FILIP1L: variants seen among roughly 807,000 people sequenced by gnomAD.
FILIP1L encodes the protein filamin A-interacting protein 1-like.
In FILIP1L, 55 loss-of-function variants were observed where a neutral mutation model predicts 96.6. That is an observed-to-expected ratio of 0.57 (90% CI 0.46 to 0.71). FILIP1L has a LOEUF of 0.71. Among genes scored for constraint, FILIP1L ranks in the 30% least tolerant of loss-of-function variants. The pLI is 0.00. For missense variants in FILIP1L, 1,304 were observed against 1,321.2 expected (o/e 0.99, Z 0.20); for synonymous variants, 467 against 473.9 (o/e 0.99, Z 0.19).
intron 1 of FILIP1L, among the ~76,000 whole-genome samples, chr3:99,997,032 G>A (rs559370643): frequency 2.2e-4 from 33 of 152,236 alleles, no homozygotes; most frequent in Middle Eastern, 3.4e-3. Flanking sequence ...CATTAAATGC[G>A]TACATCAATA....
chr3:99,884,705 A>G (rs962581099), intron 4 of FILIP1L, among the ~76,000 whole-genome samples: 1 of 152,212 alleles, frequency 6.6e-6, no homozygotes, highest in Non-Finnish European at 1.5e-5. Context: ...AGAGATAACA[A>G]TCATGTGCGA....
At chr3:99,978,801 C>G (rs1056377822) in intron 1 of FILIP1L, among the ~76,000 whole-genome samples, 4 of 152,078 alleles carry the variant, frequency 2.6e-5, no homozygotes, top group African/African-American at 7.2e-5. Flanking sequence ...ACGAGAGTCA[C>G]TTGAACCCAG....
At chr3:99,842,387 A>C (rs1415565406) in intron 5 of FILIP1L, among the ~76,000 whole-genome samples, 2 of 152,108 alleles carry the variant, frequency 1.3e-5, no homozygotes, top group Admixed American at 1.3e-4. Context: ...TACAGTGTAC[A>C]CTGCTCGAGT....
intron 4 of FILIP1L, among the ~76,000 whole-genome samples, chr3:99,872,442 A>T (rs1944848821): frequency 6.6e-6 from 1 of 151,978 alleles, no homozygotes; most frequent in Non-Finnish European, 1.5e-5. Context: ...TTTGCTGATA[A>T]TAACTCCTTT....
At chr3:100,041,415 C>G (rs1161079747) in intron 1 of FILIP1L, 1 of 152,108 alleles carries the variant, frequency 6.6e-6, no homozygotes, top group Non-Finnish European at 1.5e-5. Flanking sequence ...GTCTTTGTTC[C>G]TTTCCACACT....
At chr3:100,028,410 C>T (rs1446623381) in intron 1 of FILIP1L, among the ~76,000 whole-genome samples, 1 of 152,142 alleles carries the variant, frequency 6.6e-6, no homozygotes, top group Non-Finnish European at 1.5e-5. Flanking sequence ...TTCCAGGCAA[C>T]AGCTGGTGGT....
intron 1 of FILIP1L, among the ~76,000 whole-genome samples, chr3:100,000,597 T>G (rs1049861798): frequency 5.9e-5 from 9 of 152,166 alleles, no homozygotes; most frequent in Admixed American, 5.9e-4. Context: ...TGGCTGTAAT[T>G]CCAGCACTTT....
intron 4 of FILIP1L, among the ~76,000 whole-genome samples, chr3:99,900,596 G>A (rs1706403332): frequency 1.3e-5 from 2 of 152,172 alleles, no homozygotes; most frequent in South Asian, 4.1e-4. Context: ...TTTCATAAAA[G>A]TTATTTGTTC....
At chr3:99,930,665 A>T (rs529557103) in intron 2 of FILIP1L, 104 bp downstream of exon 2, 2 of 1,250,318 alleles carry the variant, frequency 1.6e-6, no homozygotes, top group East Asian at 2.3e-5. Flanking sequence ...TCATGTACAC[A>T]CATGTATGAA....
intron 1 of FILIP1L, chr3:100,025,474 C>T: frequency 6.6e-6 from 1 of 151,848 alleles, no homozygotes; most frequent in East Asian, 1.9e-4. Flanking sequence ...TTGATGTTGC[C>T]TAGGGTTAAA....
chr3:99,920,108 A>C (rs1707078053), intron 4 of FILIP1L, among the ~76,000 whole-genome samples: 1 of 152,254 alleles, frequency 6.6e-6, no homozygotes, highest in Non-Finnish European at 1.5e-5. Context: ...CCATGGTTGA[A>C]GCCACAGTTT....
At chr3:99,872,912 CAA>C (rs1705306582) in intron 4 of FILIP1L, among the ~76,000 whole-genome samples, 2 of 151,448 alleles carry the variant, frequency 1.3e-5, no homozygotes, top group Admixed American at 1.3e-4. Context: ...AGGAGAATCT[CAA>C]GTCTTTTTTT....
At chr3:99,929,809 T>TA in intron 3 of FILIP1L, 47 bp downstream of exon 3, 1 of 1,419,458 alleles carries the variant, frequency 7.0e-7, no homozygotes, top group Non-Finnish European at 9.6e-7. Flanking sequence ...TCTGCAGGGC[T>TA]AGTGCTTGGC....
intron 1 of FILIP1L, among the ~76,000 whole-genome samples, chr3:99,931,466 G>C (rs1389026174): frequency 1.3e-5 from 2 of 152,114 alleles, no homozygotes; most frequent in East Asian, 3.8e-4. Context: ...CTTTAAAATT[G>C]TTGGGAGCTT....
Position 99,924,276 on chromosome 3 carries a change from C to T in FILIP1L, c.559G>A (p.Glu187Lys). Residue 187 changes from glutamate (E) to lysine (K), a missense_variant, in exon 4 of 6, where the codon GAG (glutamate) becomes AAG (lysine). Glu to Lys is a moderately conservative substitution (Grantham distance 56). Transcript: ENST00000477258. Reference sequence around the variant, plus strand: ...AGGCATATGAATTCATCACTCTTCTCCATGTATTCTTTATGTTTTCTCTTT... The same window carrying T: ...AGGCATATGAATTCATCACTCTTCTTCATGTATTCTTTATGTTTTCTCTTT... ...EEKRKHKEYM[E>K]KSDEFICLLE... 1 of 1,614,094 alleles carries T rather than the reference C, an allele frequency of 6.2e-7. No homozygotes were observed. The highest frequency in any genetic ancestry group is 8.5e-7 in the Non-Finnish European group (1 of 1,179,986).
intron 5 of FILIP1L, among the ~76,000 whole-genome samples, chr3:99,837,045 T>C (rs879338534): frequency 6.6e-6 from 1 of 152,238 alleles, no homozygotes; most frequent in African/African-American, 2.4e-5. Context: ...TTGTTCTCCC[T>C]AGTCTTCTCA....
At chr3:100,081,258 CT>C (rs1222702631) in intron 1 of FILIP1L, among the ~76,000 whole-genome samples, 1 of 152,102 alleles carries the variant, frequency 6.6e-6, no homozygotes, top group Non-Finnish European at 1.5e-5. Context: ...TCTTTTATCT[CT>C]TTTTTTGTCA....
chr3:100,029,782 G>A (rs568988704), intron 1 of FILIP1L, among the ~76,000 whole-genome samples: 70 of 152,236 alleles, frequency 4.6e-4, no homozygotes, highest in Non-Finnish European at 9.6e-4. Context: ...GGCTTTTGTA[G>A]CTGAGCCTGT....
At chr3:99,900,736 G>C (rs1484420693) in intron 4 of FILIP1L, among the ~76,000 whole-genome samples, 1 of 152,222 alleles carries the variant, frequency 6.6e-6, no homozygotes, top group African/African-American at 2.4e-5. Flanking sequence ...AAACTGAGCT[G>C]CACGTTGGAA....
Sources: allele counts gnomAD v4.1 joint callset (sites outside exome capture counted in the v4.1 genomes callset), GRCh38; gene constraint gnomAD v4.1.1; transcripts MANE v1.5; gene names NCBI Gene and HGNC (gene_info 2026-07-23, HGNC 2026-07-21).